NFAM1: variants seen among roughly 807,000 people sequenced by gnomAD.
NFAM1 encodes the protein NFAT activating protein with ITAM motif 1, also known as NFAT activation molecule 1.
A neutral mutation model predicts 29.0 loss-of-function variants in NFAM1; 17 were observed. The observed-to-expected ratio is 0.59, with a 90% CI of 0.40 to 0.88. NFAM1 has a LOEUF of 0.88. Ranked by LOEUF, NFAM1 falls within the 40% of genes least tolerant of loss-of-function variation. The pLI is 0.00. For synonymous variants in NFAM1, 175 were observed against 147.2 expected, an observed-to-expected ratio of 1.19 and a Z score of -1.36; for missense variants, 324 against 344.6, an observed-to-expected ratio of 0.94 and a Z score of 0.47.
rs181242861 is a variant in NFAM1, at chr22:42,386,997, G to A, written c.745C>T (p.Leu249Phe). Residue 249 changes from leucine to phenylalanine, a missense_variant, in exon 5 of 6, where the codon CTC becomes TTC. By Grantham distance (22) the Leu-to-Phe change is conservative. Transcript: ENST00000329021. ...GSSPTAKQSP[L>F]SQERPHRFED... ...CCCCAGCGCCTGTGTACCTGGGAGAGGGGGCTCTGCTTGGCGGTGGGTGAG... is the reference window on the plus strand; with the variant it reads ...CCCCAGCGCCTGTGTACCTGGGAGAAGGGGCTCTGCTTGGCGGTGGGTGAG... 5 of 1,557,632 alleles carry A rather than the reference G, an allele frequency of 3.2e-6. No individual in the cohort carries two copies. In the African/African-American group the frequency reaches 5.6e-5, roughly 17 times the overall value.
At chr22:42,396,053 T>C (rs1929514551) in intron 4 of NFAM1, among the ~76,000 whole-genome samples, 1 of 152,156 alleles carries the variant, frequency 6.6e-6, no homozygotes. Flanking sequence ...GATACCATCA[T>C]CGTTGTGACT....
In NFAM1 at chr22:42,430,883, G is replaced by C. The variant is rs9611793; in HGVS notation, c.121+1354C>G. 2.0e-5 allele frequency among the ~76,000 whole-genome samples: 3 copies of C among 152,284 alleles called. No homozygotes were observed. The South Asian group carries it at 6.2e-4, about 32-fold the overall frequency. On this transcript the variant is annotated intron_variant, in intron 1 of 5. Coordinates refer to ENST00000329021, the MANE Select transcript of NFAM1 (RefSeq NM_145912.8). ...GGAAATTAAATTAAAAATGACTGTA[G>C]TTGAGACACATTGACACTAACAGGC... is the stretch of plus-strand genomic sequence containing the variant.
chr22:42,433,859 G>A (rs1056715330), upstream of NFAM1, among the ~76,000 whole-genome samples: 1 of 152,182 alleles, frequency 6.6e-6, no homozygotes, highest in African/African-American at 2.4e-5. Context: ...GTAGCAGGTT[G>A]TCTAAGCACC....
At chr22:42,433,849 G>C (rs1350583365), upstream of NFAM1, among the ~76,000 whole-genome samples, 1 of 152,174 alleles carries the variant, frequency 6.6e-6, no homozygotes, top group African/African-American at 2.4e-5. Flanking sequence ...GCTCCTGGGA[G>C]TAGCAGGTTG....
At chr22:42,412,429 G>T (rs1346606980) in intron 1 of NFAM1, among the ~76,000 whole-genome samples, 2 of 152,192 alleles carry the variant, frequency 1.3e-5, no homozygotes, top group Admixed American at 6.5e-5. Context: ...GAGGGTCAGG[G>T]AGTTGAAGCA....
At chr22:42,398,683 G>A (rs145913496) in intron 3 of NFAM1, among the ~76,000 whole-genome samples, 16,302 of 152,204 alleles carry the variant, frequency 0.11, 1,287 homozygotes, top group Admixed American at 0.26. Context: ...AAAATGCTGG[G>A]ATTACAGGTG....
intron 1 of NFAM1, among the ~76,000 whole-genome samples, chr22:42,428,232 C>T (rs1003089303): frequency 1.2e-4 from 18 of 152,206 alleles, no homozygotes; most frequent in African/African-American, 4.3e-4. Context: ...TTCCCTCAGC[C>T]ACCTCCCGCT....
At chr22:42,435,227 G>A (rs1005661893), upstream of NFAM1, among the ~76,000 whole-genome samples, 2 of 152,186 alleles carry the variant, frequency 1.3e-5, no homozygotes, top group Non-Finnish European at 2.9e-5. Flanking sequence ...GTGGAAGCTG[G>A]GTGGGGAAAT....
At chr22:42,434,054 T>C (rs1945738369), upstream of NFAM1, among the ~76,000 whole-genome samples, 1 of 152,116 alleles carries the variant, frequency 6.6e-6, no homozygotes, top group African/African-American at 2.4e-5. Flanking sequence ...CTCCTGCCCC[T>C]GTGCCAGCTC....
intron 4 of NFAM1, among the ~76,000 whole-genome samples, chr22:42,397,611 G>C (rs1929572847): frequency 6.6e-6 from 1 of 152,200 alleles, no homozygotes. Flanking sequence ...ATGCCAAGGA[G>C]GGGAACAGGG....
chr22:42,419,472 T>C lies in NFAM1; in HGVS notation c.122-7736A>G, dbSNP rs1420216973. Among the ~76,000 whole-genome samples, 1 of 152,216 alleles carries C rather than the reference T, an allele frequency of 6.6e-6. No homozygotes were observed. Among genetic ancestry groups the C allele is most frequent in the Admixed American group, 6.5e-5 (1 of 15,278 alleles). ...GTTTGCGACCTTCTAGTTTCAGTTATATTCATACAATTGGGTTCAGACAGG... is the reference window on the plus strand; with the variant it reads ...GTTTGCGACCTTCTAGTTTCAGTTACATTCATACAATTGGGTTCAGACAGG... On this transcript the variant is annotated intron_variant, in intron 1 of 5. Transcript: ENST00000329021. This position sits in a 1 kb window ranked among gnomAD's most constrained non-coding sequence, Gnocchi z 4.5.
chr22:42,397,448 A>AT (rs1053427806), intron 4 of NFAM1, among the ~76,000 whole-genome samples: 2 of 152,188 alleles, frequency 1.3e-5, no homozygotes, highest in African/African-American at 4.8e-5. Flanking sequence ...AGGGCGTGGG[A>AT]TGGCGCCTGA....
intron 3 of NFAM1, among the ~76,000 whole-genome samples, chr22:42,408,441 C>T (rs1254805029): frequency 1.3e-5 from 2 of 152,202 alleles, no homozygotes; most frequent in Non-Finnish European, 2.9e-5. Flanking sequence ...GTTGCTGACT[C>T]AGCTGCCCCC....
chr22:42,428,160 CT>C (rs1930683476), intron 1 of NFAM1, among the ~76,000 whole-genome samples: 1 of 152,214 alleles, frequency 6.6e-6, no homozygotes, highest in African/African-American at 2.4e-5. Context: ...CAGACTTCCC[CT>C]GCCGTCAAGC....
chr22:42,437,409 C>T, the NFAM1 span, among the ~76,000 whole-genome samples: 2 of 152,160 alleles, frequency 1.3e-5, no homozygotes, highest in African/African-American at 4.8e-5. Flanking sequence ...TCCCAAAGTG[C>T]TGGGATTACA....
chr22:42,409,346 G>A lies in NFAM1; in HGVS notation c.564+89C>T. ...ACAGATGTGGATGTGCCCTCACCAG[G>A]GCCCACCAAACGCCCTGCAGAGGGC... is the stretch of plus-strand genomic sequence containing the variant. On this transcript the variant is annotated intron_variant, in intron 3 of 5. Coordinates refer to ENST00000329021, the MANE Select transcript of NFAM1 (RefSeq NM_145912.8). This position sits in a 1 kb window ranked among gnomAD's most constrained non-coding sequence, Gnocchi z 4.9. The A allele has an allele frequency of 3.2e-6, 2 of 634,112 alleles. No homozygotes were observed. The highest frequency in any genetic ancestry group is 5.3e-6 in the Non-Finnish European group (2 of 379,278). 39.3% of individuals were successfully genotyped at this position (634,112 alleles called of 1,614,324 possible). A position where few individuals can be genotyped will look rare whatever the true frequency, so the allele number is the denominator to read the frequency against.
rs1002321917 is a variant in NFAM1, at chr22:42,382,144, C to T, written c.*3017G>A. 4 of 152,378 alleles carry T rather than the reference C, an allele frequency of 2.6e-5. No homozygotes were observed. Among genetic ancestry groups the T allele is most frequent in the Admixed American group, 6.5e-5 (1 of 15,274 alleles). The allele number at this position is 152,378 out of a possible 1,614,324, so 9.4% of individuals were successfully genotyped here. A position where few individuals can be genotyped will look rare whatever the true frequency, so the allele number is the denominator to read the frequency against. ...CACTTCGGCTCACTGCAACCTCTGT[C>T]TCCCAGGTTCAAGAGATTCTCCTGC... On this transcript the variant is annotated 3_prime_UTR_variant, in exon 6 of 6. Coordinates refer to ENST00000329021, the MANE Select transcript of NFAM1 (RefSeq NM_145912.8).
rs115458285 is a variant in NFAM1, at chr22:42,396,302, C to T, written c.663+1556G>A. Among the ~76,000 whole-genome samples, 4 of 152,064 alleles carry T rather than the reference C, an allele frequency of 2.6e-5. 1 individual carries two copies. Among genetic ancestry groups the T allele is most frequent in the African/African-American group, 9.6e-5 (4 of 41,452 alleles). The stretch of plus-strand genomic sequence containing the variant: ...AATCTCATAGAAAGATATTTATTCA[C>T]GTGGAAAGATGTTCATGAAAAAAAT... On this transcript the variant is annotated intron_variant, in intron 4 of 5. Coordinates refer to ENST00000329021, the MANE Select transcript of NFAM1 (RefSeq NM_145912.8).
chr22:42,389,422 G>A (rs569861637), intron 4 of NFAM1, among the ~76,000 whole-genome samples: 83 of 152,258 alleles, frequency 5.5e-4, no homozygotes, highest in Non-Finnish European at 9.7e-4. Flanking sequence ...GTCCTGACCC[G>A]CTGGGTGCAT....
Sources: gnomAD v4.1 joint callset for allele counts (sites outside exome capture counted in the v4.1 genomes callset) on GRCh38, gnomAD v4.1.1 for gene constraint, Gnocchi (gnomAD v3.1) non-coding constraint, MANE v1.5 for transcripts, NCBI Gene and HGNC (gene_info 2026-07-23, HGNC 2026-07-21) for gene names.